Variants in PPARGC1B observed in about 807,000 individuals in gnomAD.
PPARGC1B encodes peroxisome proliferator-activated receptor gamma coactivator 1-beta.
A neutral mutation model predicts 101.6 loss-of-function variants in PPARGC1B; 34 were observed. That is an observed-to-expected ratio of 0.33 (90% CI 0.25 to 0.45). The LOEUF is 0.45. PPARGC1B is among the 20% of genes least tolerant of loss of function. The pLI, the probability that PPARGC1B is intolerant of heterozygous loss-of-function variation, is 1.00. For missense variants in PPARGC1B, 1,234 were observed against 1,317.6 expected, an observed-to-expected ratio of 0.94 and a Z score of 0.98; for synonymous variants, 548 against 539.3, an observed-to-expected ratio of 1.02 and a Z score of -0.22.
chr5:149,770,318 G>A (rs1756080070), intron 1 of PPARGC1B, among the ~76,000 whole-genome samples: 1 of 152,102 alleles, frequency 6.6e-6, no homozygotes, highest in Admixed American at 6.5e-5. Context: ...TTAAAAAAAG[G>A]CGAGAACACT....
chr5:149,793,764 C>A (rs1475461685), intron 1 of PPARGC1B, among the ~76,000 whole-genome samples: 1 of 152,180 alleles, frequency 6.6e-6, no homozygotes, highest in African/African-American at 2.4e-5. Context: ...GATGTGTAAG[C>A]TGAGACCCTA....
chr5:149,768,461 T>TTTTTGG (rs1755999701), intron 1 of PPARGC1B, among the ~76,000 whole-genome samples: 1 of 135,032 alleles, frequency 7.4e-6, no homozygotes, highest in African/African-American at 3.0e-5. Flanking sequence ...TTTTTTTTTT[T>TTTTTGG]GAGACAGAGT....
chr5:149,806,988 G>T (rs540401209), intron 1 of PPARGC1B, among the ~76,000 whole-genome samples: 2 of 150,822 alleles, frequency 1.3e-5, no homozygotes, highest in South Asian at 4.2e-4. Flanking sequence ...ACAGGGTCTT[G>T]CTCTGTCATC....
chr5:149,784,441 T>G (rs1017975057), intron 1 of PPARGC1B, among the ~76,000 whole-genome samples: 1 of 151,948 alleles, frequency 6.6e-6, no homozygotes, highest in Non-Finnish European at 1.5e-5. Flanking sequence ...AGTGGCCCCC[T>G]GGTCTTGGGG....
intron 1 of PPARGC1B, among the ~76,000 whole-genome samples, chr5:149,775,746 G>A (rs1390385439): frequency 6.6e-6 from 1 of 152,184 alleles, no homozygotes; most frequent in Non-Finnish European, 1.5e-5. Flanking sequence ...TGGGAGCCAG[G>A]AAGCACTCAG....
rs1313412404 is a variant in PPARGC1B at position 149,849,745 on chromosome 5, C to G, written c.*2187C>G. 6.6e-6 allele frequency: 1 copy of G among 152,194 alleles called. No individual in the cohort carries two copies. Among genetic ancestry groups the G allele is most frequent in the East Asian group, 1.9e-4 (1 of 5,186 alleles). 9.4% of individuals were successfully genotyped at this position (152,194 alleles called of 1,614,324 possible). On this transcript the variant is annotated 3_prime_UTR_variant, in exon 12 of 12. Coordinates refer to ENST00000309241, the MANE Select transcript of PPARGC1B (RefSeq NM_133263.4). ...GAGAGAAAACTCCCCTAATGCTATTCCATGGCGTAACACTCCCAATACTAT... is the reference window on the plus strand; with the variant it reads ...GAGAGAAAACTCCCCTAATGCTATTGCATGGCGTAACACTCCCAATACTAT...
chr5:149,805,528 C>T (rs1025854522), intron 1 of PPARGC1B, among the ~76,000 whole-genome samples: 11 of 152,142 alleles, frequency 7.2e-5, no homozygotes, highest in Non-Finnish European at 1.2e-4. Flanking sequence ...CAACCTCTGC[C>T]TCCCGGGTTC....
intron 1 of PPARGC1B, among the ~76,000 whole-genome samples, chr5:149,807,117 G>A (rs994883107): frequency 2.0e-5 from 3 of 151,482 alleles, no homozygotes; most frequent in Non-Finnish European, 4.4e-5. Context: ...ACGCTACTGT[G>A]CCTGGCCAAT....
rs115838653 is a variant in PPARGC1B at position 149,798,315 on chromosome 5, T to C, written c.79-22118T>C. The stretch of plus-strand genomic sequence containing the variant: ...AAAATTAATCCAGCATTTGCATTTC[T>C]AGTCTCTAACACGCCCTTGTTTTTT... On this transcript the variant is annotated intron_variant, in intron 1 of 11. Coordinates refer to ENST00000309241, the MANE Select transcript of PPARGC1B (RefSeq NM_133263.4). Among the ~76,000 whole-genome samples the C allele has an allele frequency of 3.0e-3, 450 of 152,408 alleles. 2 individuals are homozygous for C. Among genetic ancestry groups the C allele is most frequent in the Admixed American group, 4.9e-3 (75 of 15,314 alleles).
intron 1 of PPARGC1B, among the ~76,000 whole-genome samples, chr5:149,805,775 C>G (rs1021305933): frequency 1.3e-5 from 2 of 152,344 alleles, no homozygotes; most frequent in East Asian, 3.9e-4. Context: ...TAAATTCACT[C>G]TGGTTAAATA....
At chr5:149,775,041 T>G (rs1561523231) in intron 1 of PPARGC1B, among the ~76,000 whole-genome samples, 1 of 152,060 alleles carries the variant, frequency 6.6e-6, no homozygotes, top group East Asian at 1.9e-4. Flanking sequence ...TAGAATTGCT[T>G]CCCCCTTCTC....
intron 1 of PPARGC1B, among the ~76,000 whole-genome samples, chr5:149,797,546 C>T (rs1581064566): frequency 6.6e-6 from 1 of 152,210 alleles, no homozygotes; most frequent in African/African-American, 2.4e-5. Context: ...ACTACCATAA[C>T]AGATTCTTTT....
intron 1 of PPARGC1B, among the ~76,000 whole-genome samples, chr5:149,772,645 A>G (rs1225885223): frequency 6.6e-6 from 1 of 152,096 alleles, no homozygotes; most frequent in Non-Finnish European, 1.5e-5. Flanking sequence ...ATCTCCTCTT[A>G]TAAGGGCACC....
In PPARGC1B at chr5:149,837,665, C is replaced by T. The variant is rs532090279; in HGVS notation, c.2618+592C>T. ...CCCGCTTGCTCGTATCATCCTCGCTCGCTGAACCAGACTGGAGAAGAAGCC... is the reference window on the plus strand; with the variant it reads ...CCCGCTTGCTCGTATCATCCTCGCTTGCTGAACCAGACTGGAGAAGAAGCC... On this transcript the variant is annotated intron_variant, in intron 8 of 11. Coordinates refer to ENST00000309241, the MANE Select transcript of PPARGC1B (RefSeq NM_133263.4). This position sits in a 1 kb window ranked among gnomAD's most constrained non-coding sequence, Gnocchi z 4.2. 2.3e-4 allele frequency among the ~76,000 whole-genome samples: 35 copies of T among 152,168 alleles called. No individual in the cohort carries two copies. Among genetic ancestry groups the T allele is most frequent in the Non-Finnish European group, 3.5e-4 (24 of 68,038 alleles).
Position 149,830,883 on chromosome 5 carries a change from G to A in PPARGC1B, c.582G>A (p.Lys194=), listed in dbSNP as rs761782872. 1 of 1,607,092 alleles carries A rather than the reference G, an allele frequency of 6.2e-7. No homozygotes were observed. Among genetic ancestry groups the A allele is most frequent in the Non-Finnish European group, 8.5e-7 (1 of 1,173,564 alleles). ...CTAAAAGTCAACGGCCTTGTGTTAAGGTATTTCTTCACATGCCCCCAAATC... is the reference window on the plus strand; with the variant it reads ...CTAAAAGTCAACGGCCTTGTGTTAAAGTATTTCTTCACATGCCCCCAAATC... ...LRSKSQRPCV[K]ADSTQDKKAP... The change falls in exon 4 of 12, where the codon AAG becomes AAA. Residue 194 remains lysine, a splice_region_variant and synonymous_variant. Coordinates refer to ENST00000309241, the MANE Select transcript of PPARGC1B (RefSeq NM_133263.4).
chr5:149,831,754 G>C (rs115074974), intron 4 of PPARGC1B, among the ~76,000 whole-genome samples: 2,515 of 152,288 alleles, frequency 0.017, 29 homozygotes, highest in Non-Finnish European at 0.025. Context: ...AGTCACACTT[G>C]GGGGGAAAGC....
intron 1 of PPARGC1B, among the ~76,000 whole-genome samples, chr5:149,743,533 G>T (rs1179050465): frequency 1.3e-5 from 2 of 152,114 alleles, no homozygotes; most frequent in East Asian, 1.9e-4. Flanking sequence ...TCAAATCCCA[G>T]TGACTTAACA....
At chr5:149,769,060 C>G (rs1756025845) in intron 1 of PPARGC1B, among the ~76,000 whole-genome samples, 1 of 152,228 alleles carries the variant, frequency 6.6e-6, no homozygotes, top group African/African-American at 2.4e-5. Flanking sequence ...CACTCCCCAG[C>G]ACTAGCATCA....
At chr5:149,775,230 A>T (rs1266494669) in intron 1 of PPARGC1B, among the ~76,000 whole-genome samples, 2 of 152,046 alleles carry the variant, frequency 1.3e-5, no homozygotes, top group African/African-American at 4.8e-5. Context: ...GAGAATGCAC[A>T]TTTTTCTGTG....
Sources: allele counts gnomAD v4.1 joint callset (sites outside exome capture counted in the v4.1 genomes callset), GRCh38; gene constraint gnomAD v4.1.1; non-coding constraint Gnocchi (gnomAD v3.1); transcripts MANE v1.5; gene names NCBI Gene and HGNC (gene_info 2026-07-23, HGNC 2026-07-21).